MAP2K6: variants seen among roughly 807,000 people sequenced by gnomAD.
The protein encoded by MAP2K6 is dual specificity mitogen-activated protein kinase kinase 6.
A neutral mutation model predicts 53.7 loss-of-function variants in MAP2K6; 16 were observed. The ratio of observed to expected loss-of-function variants is 0.30; its 90% CI spans 0.20 to 0.45. MAP2K6 has a LOEUF of 0.45. MAP2K6 is among the 20% of genes least tolerant of loss of function. MAP2K6 has a pLI of 1.00. For missense variants in MAP2K6, 204 were observed against 411.9 expected (o/e 0.50, Z 4.37); for synonymous variants, 132 against 143.1 (o/e 0.92, Z 0.55).
At position 69,414,923 on chromosome 17, in the gene MAP2K6, T is replaced by C. The variant is rs1358668926; in HGVS notation, c.-62T>C. 2.7e-6 allele frequency: 4 copies of C among 1,475,940 alleles called. No homozygotes were observed. The highest frequency in any genetic ancestry group is 3.8e-6 in the Non-Finnish European group (4 of 1,058,660). The allele number at this position is 1,475,940 out of a possible 1,614,324, so 91.4% of individuals were successfully genotyped here. On this transcript the variant is annotated 5_prime_UTR_variant, in exon 1 of 12. Transcript: ENST00000590474. ...CTTGCATCTTTGTTGCAAAACTAGCTACAGAAGAGAAGCAAGGCAAAGTCT... is the reference window on the plus strand; with the variant it reads ...CTTGCATCTTTGTTGCAAAACTAGCCACAGAAGAGAAGCAAGGCAAAGTCT...
chr17:69,423,779 T>C (rs913298687), intron 1 of MAP2K6, among the ~76,000 whole-genome samples: 2 of 152,232 alleles, frequency 1.3e-5, no homozygotes, highest in Non-Finnish European at 2.9e-5. Flanking sequence ...CTTTCCTTTT[T>C]TTCTTCCCTT....
In MAP2K6 at chr17:69,484,684, A is replaced by G. The variant is rs116493742; in HGVS notation, c.17-21096A>G. Among the ~76,000 whole-genome samples the G allele has an allele frequency of 3.1e-3, 465 of 152,270 alleles. 5 individuals are homozygous for G. Among genetic ancestry groups the G allele is most frequent in the African/African-American group, 0.011 (451 of 41,568 alleles). Reference sequence around the variant, plus strand: ...AAAAAGTGGAAACAATACATATCTGATGAATGAATAAATAAAAGGTGGCAC... The same window carrying G: ...AAAAAGTGGAAACAATACATATCTGGTGAATGAATAAATAAAAGGTGGCAC... On this transcript the variant is annotated intron_variant, in intron 1 of 11. Coordinates refer to ENST00000590474, the MANE Select transcript of MAP2K6 (RefSeq NM_002758.4).
intron 1 of MAP2K6, among the ~76,000 whole-genome samples, chr17:69,472,926 C>G (rs923625385): frequency 6.6e-6 from 1 of 152,148 alleles, no homozygotes. Context: ...AGGCTGGTCT[C>G]GAACTCCTGG....
chr17:69,454,425 C>T (rs1023285685), intron 1 of MAP2K6, among the ~76,000 whole-genome samples: 2 of 152,162 alleles, frequency 1.3e-5, no homozygotes, highest in African/African-American at 4.8e-5. Flanking sequence ...TGCTCTGTTG[C>T]CCAGGCTGGA....
chr17:69,472,271 TA>T (rs890409790), intron 1 of MAP2K6, among the ~76,000 whole-genome samples: 8 of 150,926 alleles, frequency 5.3e-5, no homozygotes, highest in East Asian at 1.9e-4. Context: ...CCCCCGAATC[TA>T]AAAAAAAAGT....
At chr17:69,417,500 C>T (rs1284688460) in intron 1 of MAP2K6, among the ~76,000 whole-genome samples, 1 of 152,134 alleles carries the variant, frequency 6.6e-6, no homozygotes, top group Admixed American at 6.5e-5. Flanking sequence ...CAGTGAGATT[C>T]CGAGAAAGAA....
intron 1 of MAP2K6, among the ~76,000 whole-genome samples, chr17:69,439,029 T>C (rs985837902): frequency 6.6e-6 from 1 of 152,244 alleles, no homozygotes; most frequent in Non-Finnish European, 1.5e-5. Flanking sequence ...ACTGCAATGA[T>C]AGAGTTGAGT....
chr17:69,438,279 T>G (rs566089992), intron 1 of MAP2K6, among the ~76,000 whole-genome samples: 1 of 152,386 alleles, frequency 6.6e-6, no homozygotes, highest in South Asian at 2.1e-4. Flanking sequence ...TTGGGTTGCC[T>G]GCATTTCCAT....
At position 69,552,618 on chromosome 17, in the gene MAP2K6, CTT is replaced by C. The variant is rs1288462441; in HGVS notation, c.*10867_*10868del. On this transcript the variant is annotated 3_prime_UTR_variant, in exon 12 of 12. Transcript: ENST00000590474. ...ATTTAAATTCTGGCCTTTGGGAACT[CTT>C]TGCTTGTGAGCTGAAGAAGGAAAGA... 4.6e-5 allele frequency: 7 copies of C among 152,174 alleles called. No individual in the cohort carries two copies. Among genetic ancestry groups the C allele is most frequent in the Non-Finnish European group, 7.3e-5 (5 of 68,050 alleles). 9.4% of individuals were successfully genotyped at this position (152,174 alleles called of 1,614,324 possible). A position where few individuals can be genotyped will look rare whatever the true frequency, so the allele number is the denominator to read the frequency against.
intron 1 of MAP2K6, among the ~76,000 whole-genome samples, chr17:69,450,645 T>C (rs987587201): frequency 2.1e-4 from 32 of 152,146 alleles, no homozygotes; most frequent in Admixed American, 6.5e-4. Flanking sequence ...GTCTTTTCCT[T>C]GAGACATTTT....
intron 6 of MAP2K6, chr17:69,520,780 A>G (rs1017931315): frequency 2.9e-5 from 12 of 409,434 alleles, no homozygotes; most frequent in African/African-American, 2.1e-4. Flanking sequence ...ATGGCTATTC[A>G]GGCTCAGGAG....
At chr17:69,433,100 G>A (rs1238281436) in intron 1 of MAP2K6, 1 of 152,222 alleles carries the variant, frequency 6.6e-6, no homozygotes, top group Non-Finnish European at 1.5e-5. Flanking sequence ...GTTGCCCAAT[G>A]ATATGTGGTA....
intron 2 of MAP2K6, among the ~76,000 whole-genome samples, chr17:69,514,452 T>C (rs1035352741): frequency 3.9e-5 from 6 of 152,206 alleles, no homozygotes; most frequent in African/African-American, 1.4e-4. Context: ...TTTAAGTTAG[T>C]ATAAGAAACT....
chr17:69,427,974 A>G (rs756205651), intron 1 of MAP2K6, among the ~76,000 whole-genome samples: 1 of 152,220 alleles, frequency 6.6e-6, no homozygotes, highest in Non-Finnish European at 1.5e-5. Flanking sequence ...TAAGGACAGG[A>G]TAGCTAGTCA....
intron 2 of MAP2K6, among the ~76,000 whole-genome samples, chr17:69,516,587 C>G (rs1199341911): frequency 6.6e-6 from 1 of 152,156 alleles, no homozygotes; most frequent in Non-Finnish European, 1.5e-5. Context: ...TGTATTGTCT[C>G]TTTTAATACT....
intron 1 of MAP2K6, among the ~76,000 whole-genome samples, chr17:69,450,256 C>G (rs1907174655): frequency 2.0e-5 from 3 of 152,016 alleles, no homozygotes; most frequent in Admixed American, 2.0e-4. Flanking sequence ...CCTGGCCTTT[C>G]TATTCTTATT....
intron 2 of MAP2K6, among the ~76,000 whole-genome samples, chr17:69,508,263 T>C (rs1350402726): frequency 3.3e-5 from 5 of 151,738 alleles, no homozygotes; most frequent in Non-Finnish European, 7.4e-5. Context: ...TTCACCATAT[T>C]GGCCAGGCTG....
rs1238076161 is a variant in MAP2K6, at chr17:69,547,406, A to G, written c.*5653A>G. On this transcript the variant is annotated 3_prime_UTR_variant, in exon 12 of 12. Coordinates refer to ENST00000590474, the MANE Select transcript of MAP2K6 (RefSeq NM_002758.4). The stretch of plus-strand genomic sequence containing the variant: ...TATCATGAAAGCATCTATACGCAAT[A>G]CACAAATGAATGAGCCTGGTGGCTG... 2 of 152,370 alleles carry G rather than the reference A, an allele frequency of 1.3e-5. No individual in the cohort carries two copies. The highest frequency in any genetic ancestry group is 2.9e-5 in the Non-Finnish European group (2 of 68,030). 9.4% of individuals were successfully genotyped at this position (152,370 alleles called of 1,614,324 possible). A position where few individuals can be genotyped will look rare whatever the true frequency, so the allele number is the denominator to read the frequency against.
At chr17:69,423,733 C>T (rs1906172561) in intron 1 of MAP2K6, among the ~76,000 whole-genome samples, 1 of 152,158 alleles carries the variant, frequency 6.6e-6, no homozygotes, top group Admixed American at 6.5e-5. Flanking sequence ...GGGGTCTTTT[C>T]CCCTTAGTTG....
Sources: allele counts gnomAD v4.1 joint callset (sites outside exome capture counted in the v4.1 genomes callset), GRCh38; gene constraint gnomAD v4.1.1; transcripts MANE v1.5; gene names NCBI Gene and HGNC (gene_info 2026-07-23, HGNC 2026-07-21).